The following FEM1B variants were observed in gnomAD, a reference collection of about 807,000 sequenced individuals.
The protein encoded by FEM1B is fem-1 homolog B, also known as protein fem-1 homolog B.
Under a neutral mutation model 38.6 loss-of-function variants are expected in FEM1B, and 10 were observed. The ratio of observed to expected loss-of-function variants is 0.26; its 90% confidence interval spans 0.16 to 0.44. The LOEUF (loss-of-function observed/expected upper bound fraction) is 0.44, where lower values mean the gene tolerates loss of function less well. Ranked by LOEUF, FEM1B falls within the 20% of genes least tolerant of loss-of-function variation. FEM1B has a pLI of 1.00. For missense variants in FEM1B, 471 were observed against 786.7 expected (o/e 0.60, Z 4.80); for synonymous variants, 288 against 288.0 (o/e 1.00, Z 0.00).
In FEM1B at chr15:68,290,184, C is replaced by G. The variant is rs765351213; in HGVS notation, c.826C>G (p.Leu276Val). Residue 276 changes from leucine (L) to valine (V), a missense_variant, in exon 2 of 2, where the codon CTA (leucine) becomes GTA (valine). Coordinates refer to ENST00000306917, the MANE Select transcript of FEM1B (RefSeq NM_015322.5). The surrounding 1 kb of genome is among the most constrained non-coding windows in gnomAD (Gnocchi z 9.7). ...TGACATCATAAAGACATACCACTAT[C>G]TATATTTAGCCATGTTAGAGAGGTT... ...NYDIIKTYHY[L>V]YLAMLERFQD... The G allele has an allele frequency of 6.2e-7, 1 of 1,613,984 alleles. No homozygotes were observed. The highest frequency in any genetic ancestry group is 8.5e-7 in the Non-Finnish European group (1 of 1,179,968).
chr15:68,289,692 G>A lies in FEM1B; in HGVS notation c.334G>A (p.Ala112Thr). Reference sequence around the variant, plus strand: ...TGTTAAACTTCTAGTCAGCCATGGAGCCAACGTGAACCATACCACAGTAAC... The same window carrying A: ...TGTTAAACTTCTAGTCAGCCATGGAACCAACGTGAACCATACCACAGTAAC... ...EVVKLLVSHG[A>T]NVNHTTVTNS... The change falls in exon 2 of 2, where the codon GCC becomes ACC. Residue 112 changes from alanine (A) to threonine (T), a missense_variant. Coordinates refer to ENST00000306917, the MANE Select transcript of FEM1B (RefSeq NM_015322.5). This position sits in a 1 kb window ranked among gnomAD's most constrained non-coding sequence, Gnocchi z 6.9. 6.2e-7 allele frequency: 1 copy of A among 1,614,148 alleles called. No individual in the cohort carries two copies. The highest frequency in any genetic ancestry group is 8.5e-7 in the Non-Finnish European group (1 of 1,179,988).
chr15:68,284,659 G>T lies in FEM1B; in HGVS notation c.249-4948G>T, dbSNP rs1447446672. On this transcript the variant is annotated intron_variant, in intron 1 of 1. Coordinates refer to ENST00000306917, the MANE Select transcript of FEM1B (RefSeq NM_015322.5). This position sits in a 1 kb window ranked among gnomAD's most constrained non-coding sequence, Gnocchi z 4.4. ...CTTTATCACTCTAAAAGTTTCCCTT[G>T]TGCCCCTTCTCAGTTTCCTCCCTTT... Among the ~76,000 whole-genome samples the T allele has an allele frequency of 6.6e-6, 1 of 152,142 alleles. No individual in the cohort carries two copies. Among genetic ancestry groups the T allele is most frequent in the Admixed American group, 6.5e-5 (1 of 15,296 alleles).
chr15:68,283,885 CTTTT>C (rs35187853), intron 1 of FEM1B, among the ~76,000 whole-genome samples: 1 of 139,152 alleles, frequency 7.2e-6, no homozygotes, highest in Non-Finnish European at 1.6e-5. Flanking sequence ...CTCACGTAAA[CTTTT>C]TTTTTTTTTT....
rs1892698580 is a variant in FEM1B, at chr15:68,278,982, C to T, written c.248+317C>T. 6.6e-6 allele frequency among the ~76,000 whole-genome samples: 1 copy of T among 152,138 alleles called. No homozygotes were observed. The highest frequency in any genetic ancestry group is 2.1e-4 in the South Asian group (1 of 4,824). On this transcript the variant is annotated intron_variant, in intron 1 of 1. Coordinates refer to ENST00000306917, the MANE Select transcript of FEM1B (RefSeq NM_015322.5). The surrounding 1 kb of genome is among the most constrained non-coding windows in gnomAD (Gnocchi z 5.7). ...CAAGCCATTTGGAGGAGGTGGCTGC[C>T]TTTCCAGGTTTTACTTTTAGTGGAA...
rs1892715571 is a variant in FEM1B at position 68,280,581 on chromosome 15, T to C, written c.248+1916T>C. 6.6e-6 allele frequency among the ~76,000 whole-genome samples: 1 copy of C among 152,134 alleles called. No homozygotes were observed. The highest frequency in any genetic ancestry group is 2.4e-5 in the African/African-American group (1 of 41,426). On this transcript the variant is annotated intron_variant, in intron 1 of 1. Coordinates refer to ENST00000306917, the MANE Select transcript of FEM1B (RefSeq NM_015322.5). The surrounding 1 kb of genome is among the most constrained non-coding windows in gnomAD (Gnocchi z 4.2). ...GACGTTCGAGCTGTGTTTTAAAGAA[T>C]AGTAGTAGGACATGAAGAAGAGGGG... is the stretch of plus-strand genomic sequence containing the variant.
In FEM1B at chr15:68,289,449, G is replaced by A; in HGVS notation, c.249-158G>A. On this transcript the variant is annotated intron_variant, in intron 1 of 1. Coordinates refer to ENST00000306917, the MANE Select transcript of FEM1B (RefSeq NM_015322.5). This position sits in a 1 kb window ranked among gnomAD's most constrained non-coding sequence, Gnocchi z 6.9. ...ATATTAGGTACAAGTACTATGCAAA[G>A]TGCTTTCCTTAAATTACCTGTTTTT... 1 of 615,096 alleles carries A rather than the reference G, an allele frequency of 1.6e-6. No homozygotes were observed. The highest frequency in any genetic ancestry group is 2.7e-5 in the East Asian group (1 of 36,584). The allele number at this position is 615,096 out of a possible 1,614,324, so 38.1% of individuals were successfully genotyped here.
At chr15:68,279,329 G>A (rs1038229869) in intron 1 of FEM1B, among the ~76,000 whole-genome samples, 13 of 152,210 alleles carry the variant, frequency 8.5e-5, no homozygotes, top group African/African-American at 2.9e-4. Flanking sequence ...CTTATCCCGT[G>A]ATGTTGTGGG....
Position 68,278,251 on chromosome 15 carries a change from C to T in FEM1B, c.-167C>T, listed in dbSNP as rs185418232. The T allele has an allele frequency of 7.7e-4, 710 of 916,354 alleles. 10 individuals are homozygous for T. The East Asian group carries it at 0.018, about 23-fold the overall frequency. The allele number at this position is 916,354 out of a possible 1,614,324, so 56.8% of individuals were successfully genotyped here. A position where few individuals can be genotyped will look rare whatever the true frequency, so the allele number is the denominator to read the frequency against. On this transcript the variant is annotated 5_prime_UTR_variant, in exon 1 of 2. Coordinates refer to ENST00000306917, the MANE Select transcript of FEM1B (RefSeq NM_015322.5). The surrounding 1 kb of genome is among the most constrained non-coding windows in gnomAD (Gnocchi z 5.7). ...TCGCGGCACTCGGCCTCCTCTGCGT[C>T]TCCGCCTTCCCTGGGCCGCACTGCT... is the stretch of plus-strand genomic sequence containing the variant.
At chr15:68,282,558 A>T (rs190363701) in intron 1 of FEM1B, among the ~76,000 whole-genome samples, 1 of 152,260 alleles carries the variant, frequency 6.6e-6, no homozygotes, top group East Asian at 1.9e-4. Context: ...GTTATCTCTT[A>T]TTGTGAAAAG....
intron 1 of FEM1B, among the ~76,000 whole-genome samples, chr15:68,285,053 C>T (rs1174705934): frequency 6.6e-6 from 1 of 152,212 alleles, no homozygotes; most frequent in Non-Finnish European, 1.5e-5. Context: ...TGAAAATGGA[C>T]TAATACAGCT....
At position 68,278,958 on chromosome 15, in the gene FEM1B, A is replaced by C. The variant is rs1892698384; in HGVS notation, c.248+293A>C. Among the ~76,000 whole-genome samples, 1 of 152,152 alleles carries C rather than the reference A, an allele frequency of 6.6e-6. No individual in the cohort carries two copies. The highest frequency in any genetic ancestry group is 1.9e-4 in the East Asian group (1 of 5,200). Reference sequence around the variant, plus strand: ...CTTCTCTACTAGATAGTCTGTGAACAAGCCATTTGGAGGAGGTGGCTGCCT... The same window carrying C: ...CTTCTCTACTAGATAGTCTGTGAACCAGCCATTTGGAGGAGGTGGCTGCCT... On this transcript the variant is annotated intron_variant, in intron 1 of 1. Coordinates refer to ENST00000306917, the MANE Select transcript of FEM1B (RefSeq NM_015322.5). This position sits in a 1 kb window ranked among gnomAD's most constrained non-coding sequence, Gnocchi z 5.7.
intron 1 of FEM1B, among the ~76,000 whole-genome samples, chr15:68,285,182 G>A (rs1892772777): frequency 6.6e-6 from 1 of 152,136 alleles, no homozygotes; most frequent in Admixed American, 6.5e-5. Flanking sequence ...ATTCATCCAT[G>A]TACTTGCATG....
In FEM1B at chr15:68,293,426, A is replaced by C. The variant is rs1892867952; in HGVS notation, c.*2184A>C. ...TATTTAAGACACTGCTTATTTATAA[A>C]ATGAGAATAATGATTATATGTACAT... is the stretch of plus-strand genomic sequence containing the variant. On this transcript the variant is annotated 3_prime_UTR_variant, in exon 2 of 2. Transcript: ENST00000306917. The surrounding 1 kb of genome is among the most constrained non-coding windows in gnomAD (Gnocchi z 5.8). 2 of 152,208 alleles carry C rather than the reference A, an allele frequency of 1.3e-5. No homozygotes were observed. The highest frequency in any genetic ancestry group is 6.5e-5 in the Admixed American group (1 of 15,286). 9.4% of individuals were successfully genotyped at this position (152,208 alleles called of 1,614,324 possible).
rs1157228192 is a variant in FEM1B at position 68,292,438 on chromosome 15, T to C, written c.*1196T>C. On this transcript the variant is annotated 3_prime_UTR_variant, in exon 2 of 2. Coordinates refer to ENST00000306917, the MANE Select transcript of FEM1B (RefSeq NM_015322.5). The stretch of plus-strand genomic sequence containing the variant: ...TTTTGTTTTGTTTTAATGGCAACAT[T>C]GTAACTGTCAAACTAAAAGGGTATT... 1 of 152,154 alleles carries C rather than the reference T, an allele frequency of 6.6e-6. No individual in the cohort carries two copies. Among genetic ancestry groups the C allele is most frequent in the Non-Finnish European group, 1.5e-5 (1 of 67,998 alleles). The allele number at this position is 152,154 out of a possible 1,614,324, so 9.4% of individuals were successfully genotyped here.
intron 1 of FEM1B, among the ~76,000 whole-genome samples, chr15:68,283,502 TAAAAAAAAAA>T (rs60432847): frequency 0.36 from 25,438 of 71,216 alleles, 3,600 homozygotes; most frequent in Middle Eastern, 0.44. Context: ...CATCTCTACC[TAAAAAAAAAA>T]AAAAAAAAAA....
Position 68,291,290 on chromosome 15 carries a change from A to T in FEM1B, c.*48A>T, listed in dbSNP as rs373846418. 9 of 1,361,152 alleles carry T rather than the reference A, an allele frequency of 6.6e-6. No homozygotes were observed. In the African/African-American group the frequency reaches 1.2e-4, roughly 18 times the overall value. The allele number at this position is 1,361,152 out of a possible 1,614,324, so 84.3% of individuals were successfully genotyped here. ...TTAATGTGGTGCTAAAAAGTAAAGG[A>T]CTTTTAATCACAGACAGTAGAATTA... is the stretch of plus-strand genomic sequence containing the variant. On this transcript the variant is annotated 3_prime_UTR_variant, in exon 2 of 2. Transcript: ENST00000306917. This position sits in a 1 kb window ranked among gnomAD's most constrained non-coding sequence, Gnocchi z 6.9.
rs772772546 is a variant in FEM1B, at chr15:68,288,931, C to T, written c.249-676C>T. 6.6e-6 allele frequency among the ~76,000 whole-genome samples: 1 copy of T among 152,110 alleles called. No homozygotes were observed. The highest frequency in any genetic ancestry group is 1.5e-5 in the Non-Finnish European group (1 of 68,016). On this transcript the variant is annotated intron_variant, in intron 1 of 1. Coordinates refer to ENST00000306917, the MANE Select transcript of FEM1B (RefSeq NM_015322.5). This position sits in a 1 kb window ranked among gnomAD's most constrained non-coding sequence, Gnocchi z 4.6. ...TTTCTCCCATTTCACTACCTCTCCC[C>T]AAAAGTAACCAGTATCCTCACTTCT... is the stretch of plus-strand genomic sequence containing the variant.
chr15:68,278,584 A>G lies in FEM1B; in HGVS notation c.167A>G (p.Asn56Ser), dbSNP rs748025889. ...ACGCCCCTCATCATCGCAGCCCGCA[A>G]TGGACACGCAAAGGTGGTACGCTTG... ...RSTPLIIAAR[N>S]GHAKVVRLLL... Residue 56 changes from asparagine to serine, a missense_variant, in exon 1 of 2, where the codon AAT (asparagine) becomes AGT (serine). By Grantham distance (46) the Asn-to-Ser change is conservative. Around this residue, in one of 3 missense-constraint regions of FEM1B, gnomAD observed 91 missense variants for 169.6 expected, o/e 0.54. Transcript: ENST00000306917. The surrounding 1 kb of genome is among the most constrained non-coding windows in gnomAD (Gnocchi z 5.7). 9 of 1,614,104 alleles carry G rather than the reference A, an allele frequency of 5.6e-6. No homozygotes were observed. The highest frequency in any genetic ancestry group is 2.2e-5 in the South Asian group (2 of 91,084).
chr15:68,282,977 G>T (rs1181002671), intron 1 of FEM1B, among the ~76,000 whole-genome samples: 2 of 152,098 alleles, frequency 1.3e-5, no homozygotes, highest in Non-Finnish European at 2.9e-5. Flanking sequence ...TTTTGTCATA[G>T]AATATCTTTA....
Sources: gnomAD v4.1 joint callset for allele counts (sites outside exome capture counted in the v4.1 genomes callset) on GRCh38, gnomAD v4.1.1 for gene constraint, gnomAD v4.1.1 regional missense constraint, Gnocchi (gnomAD v3.1) non-coding constraint, MANE v1.5 for transcripts, NCBI Gene and HGNC (gene_info 2026-07-23, HGNC 2026-07-21) for gene names.